NCOA2: variants seen among roughly 807,000 people sequenced by gnomAD.
The protein encoded by NCOA2 is nuclear receptor coactivator 2.
A neutral mutation model predicts 145.1 loss-of-function variants in NCOA2; 21 were observed. The observed-to-expected ratio is 0.14, with a 90% CI of 0.10 to 0.21. The LOEUF is 0.21. Ranked by LOEUF, NCOA2 falls within the 10% of genes least tolerant of loss-of-function variation. The pLI is 1.00. For synonymous variants in NCOA2, 619 were observed against 637.5 expected (o/e 0.97, Z 0.44); for missense variants, 1,472 against 1,837.6 (o/e 0.80, Z 3.64).
chr8:70,324,095 C>A (rs534651023), intron 1 of NCOA2, among the ~76,000 whole-genome samples: 5 of 152,122 alleles, frequency 3.3e-5, no homozygotes, highest in Admixed American at 6.6e-5. Context: ...CATGTATATG[C>A]CTAGGATACA....
At chr8:70,246,547 A>AT (rs1159831678) in intron 2 of NCOA2, among the ~76,000 whole-genome samples, 2 of 152,114 alleles carry the variant, frequency 1.3e-5, no homozygotes, top group Non-Finnish European at 2.9e-5. Context: ...TAATATATAT[A>AT]TTTTACTTTT....
chr8:70,335,573 T>C (rs1288398365), intron 1 of NCOA2, among the ~76,000 whole-genome samples: 1 of 152,166 alleles, frequency 6.6e-6, no homozygotes, highest in Non-Finnish European at 1.5e-5. Context: ...CAAAATTCTA[T>C]ACCAATTAAA....
At chr8:70,155,469 G>A (rs1480078167) in intron 11 of NCOA2, among the ~76,000 whole-genome samples, 4 of 152,202 alleles carry the variant, frequency 2.6e-5, no homozygotes, top group African/African-American at 7.2e-5. Context: ...CTATAACAGA[G>A]GTCAGCAAAC....
At chr8:70,233,311 T>A (rs968224704) in intron 2 of NCOA2, among the ~76,000 whole-genome samples, 11 of 152,314 alleles carry the variant, frequency 7.2e-5, no homozygotes, top group African/African-American at 2.4e-4. Context: ...TCAAATTCAG[T>A]ATTATTTCTG....
At chr8:70,379,654 A>C (rs1812008450) in intron 1 of NCOA2, among the ~76,000 whole-genome samples, 1 of 152,192 alleles carries the variant, frequency 6.6e-6, no homozygotes, top group Non-Finnish European at 1.5e-5. Context: ...AAGAGAAAAA[A>C]GTCATCTTTT....
At chr8:70,337,683 G>C (rs146317262) in intron 1 of NCOA2, among the ~76,000 whole-genome samples, 1 of 152,192 alleles carries the variant, frequency 6.6e-6, no homozygotes, top group East Asian at 1.9e-4. Context: ...TGAGGCTAAA[G>C]CTGATCACGT....
chr8:70,198,146 A>C (rs546653703), intron 4 of NCOA2, among the ~76,000 whole-genome samples: 1 of 152,318 alleles, frequency 6.6e-6, no homozygotes, highest in South Asian at 2.1e-4. Context: ...TCTTATGTAC[A>C]AGACAGGTAA....
At chr8:70,373,934 A>G (rs1811440484) in intron 1 of NCOA2, among the ~76,000 whole-genome samples, 1 of 152,202 alleles carries the variant, frequency 6.6e-6, no homozygotes, top group African/African-American at 2.4e-5. Context: ...GAAATTAGAG[A>G]GTGTAAAAGT....
At position 70,281,286 on chromosome 8, in the gene NCOA2, G is replaced by A. The variant is rs1467571420; in HGVS notation, c.-20+15458C>T. Among the ~76,000 whole-genome samples, 5 of 150,120 alleles carry A rather than the reference G, an allele frequency of 3.3e-5. No homozygotes were observed. In the East Asian group the frequency reaches 9.8e-4, roughly 30 times the overall value. On this transcript the variant is annotated intron_variant, in intron 2 of 22. Coordinates refer to ENST00000452400, the MANE Select transcript of NCOA2 (RefSeq NM_006540.4). Reference sequence around the variant, plus strand: ...GGAAAATCAACCTTGAACATGGGAGGCGGAGGTTGTAGTGAGCCAAGATAG... The same window carrying A: ...GGAAAATCAACCTTGAACATGGGAGACGGAGGTTGTAGTGAGCCAAGATAG...
At chr8:70,147,258 G>A (rs1054671751) in intron 12 of NCOA2, among the ~76,000 whole-genome samples, 12 of 151,974 alleles carry the variant, frequency 7.9e-5, no homozygotes, top group Non-Finnish European at 8.8e-5. Context: ...TCGGCCTCCC[G>A]AGTAGCTGGA....
At chr8:70,249,965 A>AAAAT (rs1554606859) in intron 2 of NCOA2, among the ~76,000 whole-genome samples, 3 of 139,980 alleles carry the variant, frequency 2.1e-5, no homozygotes, top group Non-Finnish European at 4.6e-5. Flanking sequence ...TCTGCCTCCA[A>AAAAT]AAAAAAAAAA....
intron 11 of NCOA2, 128 bp from the exon 12 acceptor site, chr8:70,148,611 C>T (rs1811384905): frequency 4.1e-6 from 3 of 732,196 alleles, no homozygotes; most frequent in East Asian, 5.4e-5. Flanking sequence ...TTCCTGCATA[C>T]CACAGGCCTA....
At chr8:70,345,568 A>G (rs1808537030) in intron 1 of NCOA2, among the ~76,000 whole-genome samples, 1 of 152,208 alleles carries the variant, frequency 6.6e-6, no homozygotes, top group Non-Finnish European at 1.5e-5. Context: ...CATAATTTAG[A>G]TTTGTTTTAG....
chr8:70,350,982 C>T (rs958906564), intron 1 of NCOA2, among the ~76,000 whole-genome samples: 2 of 152,180 alleles, frequency 1.3e-5, no homozygotes, highest in African/African-American at 4.8e-5. Flanking sequence ...CTGATGATGG[C>T]CTCTGTGCCA....
At chr8:70,154,060 A>C (rs1045742297) in intron 11 of NCOA2, among the ~76,000 whole-genome samples, 3 of 152,338 alleles carry the variant, frequency 2.0e-5, no homozygotes, top group African/African-American at 7.2e-5. Context: ...GGCTTCCCTG[A>C]GGATGGCTCT....
At chr8:70,139,072 G>GA (rs1463027417) in intron 14 of NCOA2, among the ~76,000 whole-genome samples, 3 of 152,376 alleles carry the variant, frequency 2.0e-5, no homozygotes, top group Middle Eastern at 3.4e-3. Flanking sequence ...CCCTACCAGA[G>GA]AAAGAGCAGA....
chr8:70,139,669 T>A (rs1305545482), intron 14 of NCOA2, among the ~76,000 whole-genome samples: 2 of 148,216 alleles, frequency 1.3e-5, no homozygotes, highest in Non-Finnish European at 3.0e-5. Context: ...TTTTTTTTTT[T>A]TGAGGAGGAG....
At position 70,287,846 on chromosome 8, in the gene NCOA2, C is replaced by T. The variant is rs118002762; in HGVS notation, c.-20+8898G>A. Among the ~76,000 whole-genome samples, 149 of 152,290 alleles carry T rather than the reference C, an allele frequency of 9.8e-4. 2 individuals carry two copies. In the East Asian group the frequency reaches 0.024, roughly 25 times the overall value. On this transcript the variant is annotated intron_variant, in intron 2 of 22. Transcript: ENST00000452400. ...GCATACACAGCATTAAGCCTTGTCA[C>T]AGCCTTACCTATAATGACAAAGTCA... is the stretch of plus-strand genomic sequence containing the variant.
At chr8:70,324,980 T>C (rs891876176) in intron 1 of NCOA2, among the ~76,000 whole-genome samples, 3 of 152,236 alleles carry the variant, frequency 2.0e-5, no homozygotes, top group Non-Finnish European at 4.4e-5. Flanking sequence ...CTTCTCTTAG[T>C]ATTTTAGCTA....
Sources: allele counts gnomAD v4.1 joint callset (sites outside exome capture counted in the v4.1 genomes callset), GRCh38; gene constraint gnomAD v4.1.1; transcripts MANE v1.5; gene names NCBI Gene and HGNC (gene_info 2026-07-23, HGNC 2026-07-21).